DAB1: variants seen among roughly 807,000 people sequenced by gnomAD.
DAB1 encodes the protein DAB adaptor protein 1, also known as disabled homolog 1.
In DAB1, 15 loss-of-function variants were observed where a neutral mutation model predicts 64.6. The observed-to-expected ratio is 0.23, with a 90% CI of 0.16 to 0.36. DAB1 has a LOEUF of 0.36. Among genes scored for constraint, DAB1 ranks in the 10% least tolerant of loss-of-function variants. The pLI, the probability that DAB1 is intolerant of heterozygous loss-of-function variation, is 1.00. For missense variants in DAB1, 596 were observed against 706.7 expected (o/e 0.84, Z 1.78); for synonymous variants, 235 against 251.9 (o/e 0.93, Z 0.64).
intron 3 of DAB1, among the ~76,000 whole-genome samples, chr1:58,374,936 G>C (rs1491002007): frequency 1.4e-5 from 2 of 138,276 alleles, no homozygotes; most frequent in African/African-American, 5.6e-5. Flanking sequence ...TATTCTCTTT[G>C]AAGCAATTGT....
chr1:57,058,370 A>G (rs1650045740), intron 9 of DAB1, among the ~76,000 whole-genome samples: 1 of 152,226 alleles, frequency 6.6e-6, no homozygotes, highest in Admixed American at 6.5e-5. Context: ...CTTAATGGAC[A>G]ATAGATGAGC....
chr1:57,242,721 T>C (rs528186499), intron 2 of DAB1, among the ~76,000 whole-genome samples: 23 of 152,360 alleles, frequency 1.5e-4, no homozygotes, highest in African/African-American at 5.0e-4. Flanking sequence ...TTAAGAATCC[T>C]AAATATTTAC....
chr1:57,998,350 T>C (rs1646457867), intron 5 of DAB1, among the ~76,000 whole-genome samples: 1 of 151,960 alleles, frequency 6.6e-6, no homozygotes, highest in African/African-American at 2.4e-5. Flanking sequence ...TGTCACTGGG[T>C]AATCACTTAA....
chr1:57,442,962 C>T (rs1169185969), intron 7 of DAB1, among the ~76,000 whole-genome samples: 2 of 152,202 alleles, frequency 1.3e-5, no homozygotes, highest in Non-Finnish European at 2.9e-5. Flanking sequence ...TTTCCTTCTA[C>T]TCTTTCTCCC....
intron 7 of DAB1, among the ~76,000 whole-genome samples, chr1:57,440,388 A>G (rs1398886944): frequency 6.6e-6 from 1 of 152,228 alleles, no homozygotes; most frequent in Non-Finnish European, 1.5e-5. Flanking sequence ...TTCCACCTTG[A>G]ACAGTCATCC....
At chr1:57,416,181 T>A (rs57855581) in intron 1 of DAB1, among the ~76,000 whole-genome samples, 1,621 of 152,324 alleles carry the variant, frequency 0.011, 18 homozygotes, top group African/African-American at 0.029. Flanking sequence ...AATATATGAA[T>A]ATAGTCTGAG....
chr1:57,533,539 G>GTATATATATA lies in DAB1; in HGVS notation n.625+116043_625+116052dup, dbSNP rs59378470. Among the ~76,000 whole-genome samples, 1,258 of 143,570 alleles carry GTATATATATA rather than the reference G, an allele frequency of 8.8e-3. 12 individuals are homozygous for GTATATATATA. Among genetic ancestry groups the GTATATATATA allele is most frequent in the Non-Finnish European group, 0.012 (776 of 66,180 alleles). 94.2% of individuals were successfully genotyped at this position (143,570 alleles called of 152,430 possible). On this transcript the variant is annotated intron_variant and non_coding_transcript_variant, in intron 7 of 20. Transcript: ENST00000485760. ...AACAAAAATAGAAAATTCATAACAG[G>GTATATATATA]TATATATATATATATATATATATAT...
intron 4 of DAB1, among the ~76,000 whole-genome samples, chr1:58,174,697 G>A (rs1215582487): frequency 6.6e-6 from 1 of 152,186 alleles, no homozygotes; most frequent in Non-Finnish European, 1.5e-5. Context: ...TCAGCGCTCT[G>A]TGTCTAGCTA....
chr1:57,130,232 G>A (rs1042912932), intron 4 of DAB1, among the ~76,000 whole-genome samples: 3 of 151,990 alleles, frequency 2.0e-5, no homozygotes, highest in African/African-American at 7.2e-5. Flanking sequence ...TTAACACCTC[G>A]AGCTTTTTAT....
intron 6 of DAB1, among the ~76,000 whole-genome samples, chr1:57,755,440 T>G (rs1475239779): frequency 1.3e-5 from 2 of 152,188 alleles, no homozygotes; most frequent in Non-Finnish European, 2.9e-5. Flanking sequence ...CAATAAGAAT[T>G]TATTGAGCCA....
chr1:57,602,228 C>T (rs1645583471), intron 7 of DAB1, among the ~76,000 whole-genome samples: 1 of 152,156 alleles, frequency 6.6e-6, no homozygotes, highest in Non-Finnish European at 1.5e-5. Context: ...TCTATGATTT[C>T]CCTTGCCTAA....
At chr1:57,835,600 A>G (rs529414741) in intron 1 of DAB1, among the ~76,000 whole-genome samples, 1 of 152,272 alleles carries the variant, frequency 6.6e-6, no homozygotes, top group Admixed American at 6.5e-5. Context: ...AAGACTCCAG[A>G]GTTCTCTTCT....
chr1:57,060,545 G>A (rs1422937471), intron 9 of DAB1, among the ~76,000 whole-genome samples: 1 of 152,124 alleles, frequency 6.6e-6, no homozygotes, highest in African/African-American at 2.4e-5. Context: ...GAGGACCCCA[G>A]GACATTCAAG....
chr1:58,109,500 A>G (rs1651850706), intron 5 of DAB1, among the ~76,000 whole-genome samples: 1 of 152,174 alleles, frequency 6.6e-6, no homozygotes, highest in Admixed American at 6.5e-5. Flanking sequence ...GGTGAGGAGA[A>G]CTAATGGATC....
intron 6 of DAB1, among the ~76,000 whole-genome samples, chr1:57,699,471 A>G (rs1156857031): frequency 6.6e-6 from 1 of 152,232 alleles, no homozygotes; most frequent in African/African-American, 2.4e-5. Flanking sequence ...TACATTTTGT[A>G]AATATCCTTG....
intron 1 of DAB1, among the ~76,000 whole-genome samples, chr1:57,864,148 G>A (rs1417606302): frequency 6.6e-6 from 1 of 152,204 alleles, no homozygotes; most frequent in African/African-American, 2.4e-5. Flanking sequence ...GCCCTCTGAA[G>A]AGCAATTTGA....
chr1:57,874,350 C>G (rs1373754983), intron 1 of DAB1: 1 of 152,122 alleles, frequency 6.6e-6, no homozygotes, highest in African/African-American at 2.4e-5. Context: ...CAGGGTGAGG[C>G]AGGGCTCCAA....
At chr1:58,352,164 A>T (rs1038165067) in intron 3 of DAB1, among the ~76,000 whole-genome samples, 1 of 151,868 alleles carries the variant, frequency 6.6e-6, no homozygotes, top group African/African-American at 2.4e-5. Context: ...TACAGTGCAC[A>T]TGCATAGGAA....
intron 1 of DAB1, among the ~76,000 whole-genome samples, chr1:57,379,413 C>G (rs1558271996): frequency 6.6e-6 from 1 of 152,122 alleles, no homozygotes. Context: ...CATGAACCAC[C>G]ATATCTAAGG....
Sources: allele counts gnomAD v4.1 joint callset (sites outside exome capture counted in the v4.1 genomes callset), GRCh38; gene constraint gnomAD v4.1.1; transcripts MANE v1.5; gene names NCBI Gene and HGNC (gene_info 2026-07-23, HGNC 2026-07-21).